The following TENM2 variants were observed in gnomAD, a reference collection of about 807,000 sequenced individuals.
TENM2 encodes teneurin transmembrane protein 2, also known as teneurin-2.
TENM2 carries 52 observed loss-of-function variants against 245.2 expected under a neutral mutation model. The ratio of observed to expected loss-of-function variants is 0.21; its 90% CI spans 0.17 to 0.27. The LOEUF (loss-of-function observed/expected upper bound fraction) is 0.27, where lower values mean the gene tolerates loss of function less well. TENM2 is among the 10% of genes least tolerant of loss of function. The pLI, the probability that TENM2 is intolerant of heterozygous loss-of-function variation, is 1.00. For synonymous variants in TENM2, 1,363 were observed against 1,438.9 expected, an observed-to-expected ratio of 0.95 and a Z score of 1.19; for missense variants, 3,046 against 3,666.8, an observed-to-expected ratio of 0.83 and a Z score of 4.37.
At chr5:168,068,940 T>C (rs796430563) in intron 7 of TENM2, among the ~76,000 whole-genome samples, 1 of 152,288 alleles carries the variant, frequency 6.6e-6, no homozygotes, top group African/African-American at 2.4e-5. Context: ...ATGACACCTG[T>C]AATTCCAATC....
chr5:167,194,195 GA>G, the TENM2 span, among the ~76,000 whole-genome samples: 1 of 152,012 alleles, frequency 6.6e-6, no homozygotes, highest in Non-Finnish European at 1.5e-5. Flanking sequence ...AATATCACGA[GA>G]AAAATCACTT....
At chr5:167,872,288 GAGAAAGATAGAAAGAA>G (rs1402055206) in intron 2 of TENM2, among the ~76,000 whole-genome samples, 2 of 69,272 alleles carry the variant, frequency 2.9e-5, no homozygotes, top group South Asian at 4.8e-4. Context: ...AAAAAAGAAA[GAGAAAGATAGAAAGAA>G]AGAAAGAAAG....
chr5:167,989,546 A>G (rs894283915), intron 4 of TENM2, among the ~76,000 whole-genome samples: 1 of 152,180 alleles, frequency 6.6e-6, no homozygotes, highest in Non-Finnish European at 1.5e-5. Context: ...GTAGAGAGCC[A>G]TGGTTCCATG....
At chr5:167,193,967 G>A in the TENM2 span, among the ~76,000 whole-genome samples, 1 of 151,822 alleles carries the variant, frequency 6.6e-6, no homozygotes, top group Non-Finnish European at 1.5e-5. Context: ...TCTCAAAGGC[G>A]AGGCACTTTG....
chr5:167,108,160 C>T, the TENM2 span, among the ~76,000 whole-genome samples: 1 of 152,172 alleles, frequency 6.6e-6, no homozygotes, highest in African/African-American at 2.4e-5. Flanking sequence ...GAGTCTCGCT[C>T]TGTCACCCAC....
chr5:167,059,555 G>C, the TENM2 span, among the ~76,000 whole-genome samples: 1 of 151,846 alleles, frequency 6.6e-6, no homozygotes, highest in African/African-American at 2.4e-5. Flanking sequence ...ACATACATAC[G>C]TTACTCCCCA....
At chr5:167,251,677 A>G in the TENM2 span, among the ~76,000 whole-genome samples, 2 of 152,170 alleles carry the variant, frequency 1.3e-5, no homozygotes, top group Non-Finnish European at 2.9e-5. Flanking sequence ...AAGAGATGGA[A>G]GACATCCTAC....
chr5:167,463,340 C>T (rs1288362767), intron 2 of TENM2, among the ~76,000 whole-genome samples: 2 of 152,104 alleles, frequency 1.3e-5, no homozygotes, highest in Non-Finnish European at 2.9e-5. Flanking sequence ...CATTCTGGAC[C>T]ATCTTCGTCA....
chr5:167,293,976 C>CTGTGTGTG (rs55869331), intron 1 of TENM2, among the ~76,000 whole-genome samples: 4,733 of 148,700 alleles, frequency 0.032, 218 homozygotes, highest in African/African-American at 0.1. Context: ...GATGTGAGTT[C>CTGTGTGTG]TGTGTGTGTG....
At chr5:167,608,463 G>A (rs1777213663) in intron 2 of TENM2, among the ~76,000 whole-genome samples, 2 of 152,184 alleles carry the variant, frequency 1.3e-5, no homozygotes, top group Non-Finnish European at 2.9e-5. Flanking sequence ...AGTGACCTTG[G>A]TTGGCGCAAA....
chr5:167,159,166 C>T, the TENM2 span, among the ~76,000 whole-genome samples: 1 of 151,910 alleles, frequency 6.6e-6, no homozygotes, highest in Non-Finnish European at 1.5e-5. Context: ...TAGTCTGGAA[C>T]TCCTGACCTC....
At chr5:167,047,108 T>G in the TENM2 span, among the ~76,000 whole-genome samples, 2 of 152,252 alleles carry the variant, frequency 1.3e-5, no homozygotes, top group East Asian at 3.8e-4. Context: ...AAATACTTGT[T>G]TTTATTTATG....
At chr5:167,673,200 T>A (rs1243521157) in intron 2 of TENM2, among the ~76,000 whole-genome samples, 1 of 152,158 alleles carries the variant, frequency 6.6e-6, no homozygotes, top group East Asian at 1.9e-4. Context: ...TATATTTTAT[T>A]ATTTAAAATC....
chr5:167,555,819 A>G (rs1301282097), intron 2 of TENM2, among the ~76,000 whole-genome samples: 2 of 152,100 alleles, frequency 1.3e-5, no homozygotes, highest in Non-Finnish European at 2.9e-5. Flanking sequence ...AGAGCTCCAA[A>G]GCTGCACGGC....
At chr5:167,262,512 T>G in the TENM2 span, among the ~76,000 whole-genome samples, 3 of 152,084 alleles carry the variant, frequency 2.0e-5, no homozygotes, top group Non-Finnish European at 4.4e-5. Context: ...TAGTGCATAA[T>G]TGCTCCTTCT....
Position 168,247,891 on chromosome 5 carries a change from C to T in TENM2, c.6952C>T (p.His2318Tyr), listed in dbSNP as rs369687041. The T allele has an allele frequency of 6.2e-6, 10 of 1,613,978 alleles. No homozygotes were observed. The highest frequency in any genetic ancestry group is 8.5e-6 in the Non-Finnish European group (10 of 1,179,880). ...TTCCTACAAGACCAACCTGGGCCAC[C>T]ACCTGCAGTACTTCTACTCTGACCT... is the stretch of plus-strand genomic sequence containing the variant. Residue 2318 changes from histidine (H) to tyrosine (Y), a missense_variant, in exon 27 of 29, where the codon CAC becomes TAC. Transcript: ENST00000518659. This position sits in a 1 kb window ranked among gnomAD's most constrained non-coding sequence, Gnocchi z 7.8.
At chr5:168,227,422 G>A (rs1218502011) in intron 24 of TENM2, among the ~76,000 whole-genome samples, 1 of 152,006 alleles carries the variant, frequency 6.6e-6, no homozygotes, top group Non-Finnish European at 1.5e-5. Context: ...AAGAATCCTG[G>A]GCTTTGATTT....
At chr5:167,703,530 C>CAAAAAAAAAAAAAAAAAAA (rs747603141) in intron 2 of TENM2, among the ~76,000 whole-genome samples, 4 of 97,166 alleles carry the variant, frequency 4.1e-5, no homozygotes, top group African/African-American at 1.3e-4. Flanking sequence ...GAAACCATCT[C>CAAAAAAAAAAAAAAAAAAA]AAAAAAAAAA....
chr5:167,491,695 C>A (rs986440644), intron 2 of TENM2, among the ~76,000 whole-genome samples: 2 of 152,104 alleles, frequency 1.3e-5, no homozygotes, highest in Non-Finnish European at 2.9e-5. Flanking sequence ...GGATACCCAG[C>A]TCTCCACTCT....
Sources: gnomAD v4.1 joint callset for allele counts (sites outside exome capture counted in the v4.1 genomes callset) on GRCh38, gnomAD v4.1.1 for gene constraint, Gnocchi (gnomAD v3.1) non-coding constraint, MANE v1.5 for transcripts, NCBI Gene and HGNC (gene_info 2026-07-23, HGNC 2026-07-21) for gene names.